The following PDE4B variants were observed in gnomAD, a reference collection of about 807,000 sequenced individuals.
PDE4B encodes 3',5'-cyclic-AMP phosphodiesterase 4B.
A neutral mutation model predicts 82.2 loss-of-function variants in PDE4B; 20 were observed. The ratio of observed to expected loss-of-function variants is 0.24; its 90% confidence interval spans 0.17 to 0.35. The LOEUF (loss-of-function observed/expected upper bound fraction) is 0.35, where lower values mean the gene tolerates loss of function less well. PDE4B is among the 10% of genes least tolerant of loss of function. The pLI, the probability that PDE4B is intolerant of heterozygous loss-of-function variation, is 1.00. For missense variants in PDE4B, 655 were observed against 907.2 expected (o/e 0.72, Z 3.57); for synonymous variants, 320 against 318.9 (o/e 1.00, Z -0.04).
chr1:65,978,856 C>A (rs555838550), intron 3 of PDE4B, among the ~76,000 whole-genome samples: 6 of 152,296 alleles, frequency 3.9e-5, no homozygotes, highest in African/African-American at 1.4e-4. Flanking sequence ...CTTGGCATCT[C>A]ATTCCTTTTT....
intron 3 of PDE4B, among the ~76,000 whole-genome samples, chr1:66,074,776 T>C (rs1160622411): frequency 6.6e-6 from 1 of 152,170 alleles, no homozygotes; most frequent in Non-Finnish European, 1.5e-5. Flanking sequence ...AGCATAATGT[T>C]TTCAAGGTTC....
chr1:66,122,920 C>T lies in PDE4B; in HGVS notation c.282-124540C>T, dbSNP rs181690607. 4.0e-3 allele frequency among the ~76,000 whole-genome samples: 608 copies of T among 151,182 alleles called. 2 individuals carry two copies. The highest frequency in any genetic ancestry group is 0.013 in the African/African-American group (551 of 41,238). ...GGGGTTTCACCGCATTGGCCAGGCT[C>T]GTCTTGAACTCCTGACCTCAGGGGA... is the stretch of plus-strand genomic sequence containing the variant. On this transcript the variant is annotated intron_variant, in intron 3 of 16. Coordinates refer to ENST00000341517, the MANE Select transcript of PDE4B (RefSeq NM_002600.4).
intron 7 of PDE4B, among the ~76,000 whole-genome samples, chr1:66,290,103 T>G (rs925606942): frequency 6.6e-6 from 1 of 152,160 alleles, no homozygotes; most frequent in Non-Finnish European, 1.5e-5. Context: ...ATGTTAATTT[T>G]CAGTGATCTG....
At chr1:65,827,202 T>C (rs999454563) in intron 1 of PDE4B, among the ~76,000 whole-genome samples, 2 of 152,020 alleles carry the variant, frequency 1.3e-5, no homozygotes, top group African/African-American at 4.8e-5. Context: ...AACATTTACT[T>C]CCATATCTAC....
At chr1:66,254,633 T>A (rs1200132683) in intron 4 of PDE4B, among the ~76,000 whole-genome samples, 1 of 152,190 alleles carries the variant, frequency 6.6e-6, no homozygotes, top group East Asian at 1.9e-4. Context: ...AAAAACTCAG[T>A]GACTACCTTA....
At chr1:66,362,958 G>A (rs1287632452) in intron 10 of PDE4B, among the ~76,000 whole-genome samples, 1 of 152,106 alleles carries the variant, frequency 6.6e-6, no homozygotes. Flanking sequence ...TCCCTTTTCA[G>A]AATAAAAAAT....
intron 3 of PDE4B, among the ~76,000 whole-genome samples, chr1:66,118,398 A>G (rs1162820940): frequency 1.3e-5 from 2 of 152,230 alleles, no homozygotes; most frequent in African/African-American, 2.4e-5. Context: ...GCCATAAAAA[A>G]GGATGAGTTC....
intron 3 of PDE4B, among the ~76,000 whole-genome samples, chr1:66,028,587 T>C (rs1209303880): frequency 6.6e-6 from 1 of 152,192 alleles, no homozygotes; most frequent in African/African-American, 2.4e-5. Flanking sequence ...TTTCCAAACT[T>C]TTATGCTCTG....
chr1:66,259,658 C>T (rs1346919013), intron 6 of PDE4B, among the ~76,000 whole-genome samples: 1 of 152,172 alleles, frequency 6.6e-6, no homozygotes, highest in African/African-American at 2.4e-5. Flanking sequence ...CACCACTAGA[C>T]TGTGTGCCCT....
chr1:66,354,864 T>C (rs1261623588), intron 8 of PDE4B: 3 of 1,535,682 alleles, frequency 2.0e-6, no homozygotes, highest in Admixed American at 3.9e-5. Context: ...AGGCAAATTA[T>C]TTGTTATCTG....
chr1:65,983,877 A>T (rs564341497), intron 3 of PDE4B, among the ~76,000 whole-genome samples: 1 of 152,344 alleles, frequency 6.6e-6, no homozygotes, highest in East Asian at 1.9e-4. Flanking sequence ...TTTATATTGT[A>T]TAAGGATAGT....
chr1:66,069,832 C>G (rs1656059303), intron 3 of PDE4B, among the ~76,000 whole-genome samples: 1 of 151,894 alleles, frequency 6.6e-6, no homozygotes, highest in Admixed American at 6.6e-5. Flanking sequence ...TCACTTAAAC[C>G]ATTTTGGGTG....
At chr1:65,860,538 A>G (rs533996495) in intron 1 of PDE4B, among the ~76,000 whole-genome samples, 11 of 152,280 alleles carry the variant, frequency 7.2e-5, no homozygotes, top group Admixed American at 2.6e-4. Flanking sequence ...GTAGAATGAT[A>G]TATAATCCTT....
intron 1 of PDE4B, among the ~76,000 whole-genome samples, chr1:65,896,227 A>G (rs1007372268): frequency 2.0e-5 from 3 of 152,156 alleles, no homozygotes; most frequent in Non-Finnish European, 2.9e-5. Flanking sequence ...AGACCTCACA[A>G]TCATGATGGA....
At chr1:66,154,294 C>T (rs1646459438) in intron 3 of PDE4B, among the ~76,000 whole-genome samples, 1 of 152,168 alleles carries the variant, frequency 6.6e-6, no homozygotes, top group South Asian at 2.1e-4. Flanking sequence ...GAGCACAGTG[C>T]CAAACACACC....
chr1:66,224,840 ACT>A (rs1651303985), intron 3 of PDE4B, among the ~76,000 whole-genome samples: 1 of 152,122 alleles, frequency 6.6e-6, no homozygotes, highest in Non-Finnish European at 1.5e-5. Context: ...TGGTCAAGTC[ACT>A]CTCTTAGTCT....
At chr1:66,041,717 T>C (rs1315843376) in intron 3 of PDE4B, among the ~76,000 whole-genome samples, 1 of 151,740 alleles carries the variant, frequency 6.6e-6, no homozygotes, top group Non-Finnish European at 1.5e-5. Context: ...TCACAACATA[T>C]AGCATGTCAT....
At chr1:66,288,546 G>A (rs1316457196) in intron 7 of PDE4B, among the ~76,000 whole-genome samples, 1 of 152,000 alleles carries the variant, frequency 6.6e-6, no homozygotes, top group Admixed American at 6.6e-5. Flanking sequence ...TACAAATGAC[G>A]CTGAATAAAT....
At chr1:66,072,013 G>C (rs891027328) in intron 3 of PDE4B, among the ~76,000 whole-genome samples, 1 of 152,050 alleles carries the variant, frequency 6.6e-6, no homozygotes, top group Non-Finnish European at 1.5e-5. Flanking sequence ...CACAGCACCA[G>C]TACATCTCCA....
Sources: gnomAD v4.1 joint callset for allele counts (sites outside exome capture counted in the v4.1 genomes callset) on GRCh38, gnomAD v4.1.1 for gene constraint, MANE v1.5 for transcripts, NCBI Gene and HGNC (gene_info 2026-07-23, HGNC 2026-07-21) for gene names.